MAP2: variants seen among roughly 807,000 people sequenced by gnomAD.
MAP2 encodes microtubule-associated protein 2.
Under a neutral mutation model 137.6 loss-of-function variants are expected in MAP2, and 14 were observed. The observed-to-expected ratio is 0.10, with a 90% CI of 0.07 to 0.16. MAP2 has a LOEUF of 0.16. Among genes scored for constraint, MAP2 ranks in the 10% least tolerant of loss-of-function variants. The probability of loss-of-function intolerance (pLI) is 1.00; values close to 1 mark genes in which losing one functional copy is unlikely to be tolerated. For missense variants in MAP2, 2,088 were observed against 2,191.5 expected (o/e 0.95, Z 0.94); for synonymous variants, 786 against 782.3 (o/e 1.00, Z -0.08).
intron 13 of MAP2, among the ~76,000 whole-genome samples, chr2:209,717,061 G>A (rs1164036092): frequency 2.0e-5 from 3 of 152,082 alleles, no homozygotes; most frequent in Non-Finnish European, 2.9e-5. Context: ...ATGTAGGGTG[G>A]AATCTTTTTA....
intron 3 of MAP2, among the ~76,000 whole-genome samples, chr2:209,614,791 C>T (rs964971726): frequency 1.3e-5 from 2 of 152,082 alleles, no homozygotes; most frequent in Non-Finnish European, 2.9e-5. Flanking sequence ...GCTTAGTCCC[C>T]ACTGTGCTAA....
At chr2:209,524,920 A>G (rs1037785356) in intron 2 of MAP2, among the ~76,000 whole-genome samples, 1 of 152,126 alleles carries the variant, frequency 6.6e-6, no homozygotes, top group Non-Finnish European at 1.5e-5. Context: ...ATTAGGGACC[A>G]TCAGTGTCCC....
Position 209,732,513 on chromosome 2 carries a change from A to G in MAP2, c.*2116A>G, listed in dbSNP as rs1435307490. 2.6e-5 allele frequency: 4 copies of G among 152,228 alleles called. No individual in the cohort carries two copies. The highest frequency in any genetic ancestry group is 9.6e-5 in the African/African-American group (4 of 41,472). 9.4% of individuals were successfully genotyped at this position (152,228 alleles called of 1,614,324 possible). ...TTGATTTGACCAATCTGGGCAATTT[A>G]TTCATCAGCTTCCCTTGAAGTGCAC... On this transcript the variant is annotated 3_prime_UTR_variant, in exon 16 of 16. Coordinates refer to ENST00000682079, the MANE Select transcript of MAP2 (RefSeq NM_001375505.1).
At chr2:209,431,890 G>C (rs1004072315) in intron 1 of MAP2, among the ~76,000 whole-genome samples, 3 of 152,166 alleles carry the variant, frequency 2.0e-5, no homozygotes, top group African/African-American at 7.2e-5. Flanking sequence ...CTACACTACT[G>C]TAAGCACTGA....
intron 2 of MAP2, among the ~76,000 whole-genome samples, chr2:209,519,916 A>T (rs1207602917): frequency 6.6e-5 from 10 of 152,010 alleles, no homozygotes; most frequent in African/African-American, 1.9e-4. Flanking sequence ...AGTTCTGCTC[A>T]TATTTGGCTT....
chr2:209,496,787 A>G (rs1044755268), intron 1 of MAP2, among the ~76,000 whole-genome samples: 1 of 152,090 alleles, frequency 6.6e-6, no homozygotes, highest in Admixed American at 6.5e-5. Flanking sequence ...TTCCTGGCCA[A>G]TGAATCCTTA....
chr2:209,660,385 ATTTTTTTT>A (rs869139522), intron 5 of MAP2, among the ~76,000 whole-genome samples: 26 of 64,270 alleles, frequency 4.0e-4, no homozygotes, highest in Middle Eastern at 0.014. Flanking sequence ...TGTTGCTGCA[ATTTTTTTT>A]TTTTTTTTTT....
intron 5 of MAP2, among the ~76,000 whole-genome samples, chr2:209,657,347 T>C (rs2041428322): frequency 6.6e-6 from 1 of 152,234 alleles, no homozygotes; most frequent in Admixed American, 6.5e-5. Flanking sequence ...TTGAGAAATC[T>C]CCATACCGTT....
chr2:209,439,023 A>G (rs1337347164), intron 1 of MAP2, among the ~76,000 whole-genome samples: 3 of 151,468 alleles, frequency 2.0e-5, no homozygotes, highest in Non-Finnish European at 3.0e-5. Context: ...TTCGGTTGCC[A>G]TTTAACTGCA....
At chr2:209,438,445 A>G (rs1257391591) in intron 1 of MAP2, among the ~76,000 whole-genome samples, 1 of 151,698 alleles carries the variant, frequency 6.6e-6, no homozygotes, top group Non-Finnish European at 1.5e-5. Context: ...ATGACTTTGT[A>G]TCTTGTGATT....
chr2:209,605,632 C>T (rs1171644279), intron 3 of MAP2, among the ~76,000 whole-genome samples: 2 of 152,068 alleles, frequency 1.3e-5, no homozygotes, highest in Non-Finnish European at 2.9e-5. Flanking sequence ...TCAGCATGCT[C>T]CTTAAAAAGG....
intron 1 of MAP2, among the ~76,000 whole-genome samples, chr2:209,428,097 G>T (rs1267511114): frequency 6.6e-6 from 1 of 152,166 alleles, no homozygotes; most frequent in Admixed American, 6.5e-5. Flanking sequence ...GGTGAATTCA[G>T]AATTTTAAAA....
At chr2:209,442,133 T>C (rs1313319497) in intron 1 of MAP2, among the ~76,000 whole-genome samples, 2 of 151,630 alleles carry the variant, frequency 1.3e-5, no homozygotes, top group Non-Finnish European at 3.0e-5. Flanking sequence ...GGCCCAGATG[T>C]TCTAACCAGG....
chr2:209,575,235 A>G (rs2075112639), intron 2 of MAP2, among the ~76,000 whole-genome samples: 1 of 152,064 alleles, frequency 6.6e-6, no homozygotes. Context: ...ATATATGGCA[A>G]GGAAGGCCGG....
intron 1 of MAP2, among the ~76,000 whole-genome samples, chr2:209,462,275 C>G (rs571542747): frequency 2.6e-5 from 4 of 152,026 alleles, no homozygotes; most frequent in Non-Finnish European, 5.9e-5. Context: ...TAGACCTTAT[C>G]GGGCAAGATC....
At chr2:209,682,387 A>C (rs749582116) in intron 7 of MAP2, among the ~76,000 whole-genome samples, 79 of 152,286 alleles carry the variant, frequency 5.2e-4, no homozygotes, top group Non-Finnish European at 7.9e-4. Flanking sequence ...GCTACTCGGG[A>C]GGCTGAGGCA....
At chr2:209,665,831 A>G (rs993504639) in intron 5 of MAP2, among the ~76,000 whole-genome samples, 1 of 152,164 alleles carries the variant, frequency 6.6e-6, no homozygotes, top group Non-Finnish European at 1.5e-5. Flanking sequence ...TTCACTTAAT[A>G]AAAAGCTTCC....
At chr2:209,523,593 A>G (rs1455235389) in intron 2 of MAP2, among the ~76,000 whole-genome samples, 1 of 152,046 alleles carries the variant, frequency 6.6e-6, no homozygotes, top group African/African-American at 2.4e-5. Flanking sequence ...CTGCTTCTCC[A>G]CTGGAGGCTC....
intron 4 of MAP2, among the ~76,000 whole-genome samples, chr2:209,632,634 C>T (rs2093194700): frequency 6.6e-6 from 1 of 152,128 alleles, no homozygotes. Flanking sequence ...ATGCTGTCGT[C>T]AGTCATCACA....
Sources: gnomAD v4.1 joint callset for allele counts (sites outside exome capture counted in the v4.1 genomes callset) on GRCh38, gnomAD v4.1.1 for gene constraint, MANE v1.5 for transcripts, NCBI Gene and HGNC (gene_info 2026-07-23, HGNC 2026-07-21) for gene names.